PRKN: variants seen among roughly 807,000 people sequenced by gnomAD.
PRKN encodes the protein parkin RBR E3 ubiquitin protein ligase.
In PRKN, 56 loss-of-function variants were observed where a neutral mutation model predicts 59.5. The observed-to-expected ratio is 0.94, with a 90% CI of 0.76 to 1.18. PRKN has a LOEUF of 1.18. PRKN is among the 50% of genes most tolerant of loss of function. The probability of loss-of-function intolerance (pLI) is 0.00; values close to 1 mark genes in which losing one functional copy is unlikely to be tolerated. For synonymous variants in PRKN, 250 were observed against 222.1 expected, an observed-to-expected ratio of 1.13 and a Z score of -1.12; for missense variants, 657 against 596.4, an observed-to-expected ratio of 1.10 and a Z score of -1.06.
intron 9 of PRKN, among the ~76,000 whole-genome samples, chr6:161,500,264 C>A (rs1389144984): frequency 6.6e-6 from 1 of 152,198 alleles, no homozygotes; most frequent in Non-Finnish European, 1.5e-5. Context: ...CAGTGTTCCC[C>A]ACAAGAGTGG....
intron 7 of PRKN, among the ~76,000 whole-genome samples, chr6:161,626,340 A>C (rs1783086727): frequency 6.6e-6 from 1 of 152,214 alleles, no homozygotes; most frequent in South Asian, 2.1e-4. Context: ...ACACAGATCA[A>C]GTGCAGACCG....
At chr6:162,348,801 A>C (rs1784507428) in intron 2 of PRKN, among the ~76,000 whole-genome samples, 1 of 151,806 alleles carries the variant, frequency 6.6e-6, no homozygotes. Flanking sequence ...AAAAAGAAAA[A>C]GAGAGAGAGA....
At chr6:161,636,885 G>A (rs1230775283) in intron 7 of PRKN, among the ~76,000 whole-genome samples, 1 of 152,164 alleles carries the variant, frequency 6.6e-6, no homozygotes, top group African/African-American at 2.4e-5. Flanking sequence ...GTCAACAGCT[G>A]TAAGCACACT....
Position 161,707,657 on chromosome 6 carries a change from T to C in PRKN, c.871+78115A>G, listed in dbSNP as rs1209756121. On this transcript the variant is annotated intron_variant, in intron 7 of 11. Coordinates refer to ENST00000366898, the MANE Select transcript of PRKN (RefSeq NM_004562.3). Reference sequence around the variant, plus strand: ...ATATTAGTGGGATAGAGATGTTTTATTTGGGATATGCTTCAACTATATATT... The same window carrying C: ...ATATTAGTGGGATAGAGATGTTTTACTTGGGATATGCTTCAACTATATATT... Among the ~76,000 whole-genome samples, 3 of 152,250 alleles carry C rather than the reference T, an allele frequency of 2.0e-5. No individual in the cohort carries two copies. The East Asian group carries it at 5.8e-4, about 29-fold the overall frequency.
chr6:162,276,690 GGTGT>G (rs34824370), intron 2 of PRKN, among the ~76,000 whole-genome samples: 7 of 150,510 alleles, frequency 4.7e-5, no homozygotes, highest in Admixed American at 6.6e-5. Context: ...AACAGAAGCT[GGTGT>G]GTGTGTGTGT....
intron 7 of PRKN, among the ~76,000 whole-genome samples, chr6:161,760,858 C>A (rs1357530631): frequency 3.3e-5 from 5 of 152,230 alleles, no homozygotes; most frequent in Admixed American, 2.6e-4. Context: ...TTTCAGCCTA[C>A]ACCCGCACAT....
At chr6:161,916,854 A>G (rs1778581212) in intron 6 of PRKN, among the ~76,000 whole-genome samples, 1 of 152,054 alleles carries the variant, frequency 6.6e-6, no homozygotes, top group African/African-American at 2.4e-5. Flanking sequence ...GCTGGAATGC[A>G]GTGGCGCGAC....
intron 6 of PRKN, among the ~76,000 whole-genome samples, chr6:161,957,118 G>A (rs892745179): frequency 2.6e-5 from 4 of 152,230 alleles, no homozygotes; most frequent in Non-Finnish European, 5.9e-5. Flanking sequence ...TGTCATACGT[G>A]TAAAGTCTTG....
intron 9 of PRKN, among the ~76,000 whole-genome samples, chr6:161,406,428 C>A (rs555194785): frequency 1.3e-5 from 2 of 152,014 alleles, no homozygotes; most frequent in Admixed American, 1.3e-4. Context: ...TCTTTTAGGG[C>A]GAGATGTCTG....
At chr6:162,345,955 C>T (rs751114772) in intron 2 of PRKN, among the ~76,000 whole-genome samples, 1 of 151,988 alleles carries the variant, frequency 6.6e-6, no homozygotes, top group Non-Finnish European at 1.5e-5. Flanking sequence ...AGAGTGGGGC[C>T]CTCATAATGA....
rs1038347823 is a variant in PRKN, at chr6:161,429,500, G to C, written c.1084-42623C>G. On this transcript the variant is annotated intron_variant, in intron 9 of 11. Transcript: ENST00000366898. This position sits in a 1 kb window ranked among gnomAD's most constrained non-coding sequence, Gnocchi z 4.2. ...GTGGTATCCCCAGAGCTGAGACCTT[G>C]CAATGGCTAGGATGTTGCTAGAAGA... Among the ~76,000 whole-genome samples the C allele has an allele frequency of 6.6e-6, 1 of 152,176 alleles. No individual in the cohort carries two copies. The highest frequency in any genetic ancestry group is 1.5e-5 in the Non-Finnish European group (1 of 68,038).
intron 3 of PRKN, among the ~76,000 whole-genome samples, chr6:162,203,819 C>G (rs144092835): frequency 2.0e-3 from 305 of 152,290 alleles, no homozygotes; most frequent in African/African-American, 6.8e-3. Context: ...TGTATGGCAG[C>G]TTCTTGATTA....
rs187682015 is a variant in PRKN, at chr6:161,860,363, T to C, written c.735-74455A>G. Among the ~76,000 whole-genome samples, 140 of 152,338 alleles carry C rather than the reference T, an allele frequency of 9.2e-4. 1 individual carries two copies. Among genetic ancestry groups the C allele is most frequent in the Admixed American group, 8.7e-3 (133 of 15,304 alleles). On this transcript the variant is annotated intron_variant, in intron 6 of 11. Coordinates refer to ENST00000366898, the MANE Select transcript of PRKN (RefSeq NM_004562.3). ...AGTTTCAACAAGGGAAATCCATGTA[T>C]GCATGCAATTGTAGAGACTAGGACA...
intron 1 of PRKN, among the ~76,000 whole-genome samples, chr6:162,660,174 T>C (rs957150455): frequency 3.3e-5 from 5 of 152,344 alleles, no homozygotes; most frequent in East Asian, 1.9e-4. Context: ...TATAGTATAA[T>C]CATTTTATTA....
intron 3 of PRKN, among the ~76,000 whole-genome samples, chr6:162,258,845 G>C (rs961797332): frequency 2.6e-5 from 4 of 152,152 alleles, no homozygotes; most frequent in Non-Finnish European, 5.9e-5. Flanking sequence ...TGCGTTCTTA[G>C]TACCAACAGT....
chr6:161,788,651 G>A (rs949296277), intron 6 of PRKN, among the ~76,000 whole-genome samples: 1 of 152,058 alleles, frequency 6.6e-6, no homozygotes, highest in African/African-American at 2.4e-5. Flanking sequence ...GCAGTGAAGG[G>A]ACTAGCATTG....
In PRKN at chr6:161,582,453, G is replaced by A. The variant is rs1781374075; in HGVS notation, c.872-13037C>T. Among the ~76,000 whole-genome samples the A allele has an allele frequency of 1.3e-5, 2 of 149,686 alleles. No homozygotes were observed. Among genetic ancestry groups the A allele is most frequent in the East Asian group, 3.9e-4 (2 of 5,102 alleles). ...TTATTATTATTATTTTTGAGACAGA[G>A]TCTCGCTCTGTCGCCTAGGCTGGAG... On this transcript the variant is annotated intron_variant, in intron 7 of 11. Transcript: ENST00000366898. This position sits in a 1 kb window ranked among gnomAD's most constrained non-coding sequence, Gnocchi z 4.4.
At position 161,462,113 on chromosome 6, in the gene PRKN, C is replaced by T. The variant is rs899362778; in HGVS notation, c.1084-75236G>A. 2.6e-5 allele frequency among the ~76,000 whole-genome samples: 4 copies of T among 151,882 alleles called. No individual in the cohort carries two copies. Among genetic ancestry groups the T allele is most frequent in the Non-Finnish European group, 4.4e-5 (3 of 67,974 alleles). ...GCCAAATGCCGCCACCTGCAATGAG[C>T]GGGGACTCACTACGGTAGGGACCTA... On this transcript the variant is annotated intron_variant, in intron 9 of 11. Transcript: ENST00000366898. The surrounding 1 kb of genome is among the most constrained non-coding windows in gnomAD (Gnocchi z 4.5).
chr6:162,615,519 A>G (rs1782371559), intron 1 of PRKN, among the ~76,000 whole-genome samples: 1 of 152,162 alleles, frequency 6.6e-6, no homozygotes, highest in Admixed American at 6.5e-5. Context: ...AGTGACTGGA[A>G]GGAGCACAGA....
Sources: gnomAD v4.1 joint callset for allele counts (sites outside exome capture counted in the v4.1 genomes callset) on GRCh38, gnomAD v4.1.1 for gene constraint, Gnocchi (gnomAD v3.1) non-coding constraint, MANE v1.5 for transcripts, NCBI Gene and HGNC (gene_info 2026-07-23, HGNC 2026-07-21) for gene names.